The following RSRP1 variants were observed in gnomAD, a reference collection of about 807,000 sequenced individuals.
RSRP1 encodes the protein arginine/serine-rich protein 1.
RSRP1 carries 37 observed loss-of-function variants against 33.0 expected under a neutral mutation model. That is an observed-to-expected ratio of 1.12 (90% CI 0.86 to 1.48). RSRP1 has a LOEUF of 1.48. RSRP1 is among the 40% of genes most tolerant of loss of function. The pLI is 0.00. For synonymous variants in RSRP1, 167 were observed against 158.7 expected, an observed-to-expected ratio of 1.05 and a Z score of -0.40; for missense variants, 402 against 385.3, an observed-to-expected ratio of 1.04 and a Z score of -0.36.
upstream of RSRP1, among the ~76,000 whole-genome samples, chr1:25,249,804 T>A (rs1056659725): frequency 1.1e-4 from 16 of 152,240 alleles, no homozygotes; most frequent in Non-Finnish European, 2.9e-5. Context: ...TCTCTGAGCA[T>A]CTATCCACTC....
chr1:25,333,450 G>A (rs1446967769), intron 1 of RSRP1, among the ~76,000 whole-genome samples: 2 of 129,636 alleles, frequency 1.5e-5, no homozygotes, highest in African/African-American at 5.5e-5. Context: ...AGCCATGTGG[G>A]TATGGGGAAT....
intron 1 of RSRP1, among the ~76,000 whole-genome samples, chr1:25,311,463 T>C (rs1166862469): frequency 7.7e-6 from 1 of 129,724 alleles, no homozygotes; most frequent in Admixed American, 7.5e-5. Context: ...AGGCAGAGCT[T>C]GCAGTGAGCC....
chr1:25,285,591 G>T (rs1374307131), intron 1 of RSRP1, among the ~76,000 whole-genome samples: 4 of 135,170 alleles, frequency 3.0e-5, no homozygotes, highest in Admixed American at 1.4e-4. Context: ...GGTGCCAGAA[G>T]TCAGAATAGT....
At chr1:25,245,893 T>A (rs1639338789) in intron 2 of RSRP1, 1 of 155,550 alleles carries the variant, frequency 6.4e-6, no homozygotes, top group Non-Finnish European at 1.4e-5. Context: ...TACTAAAGTG[T>A]ATTTCTACCA....
At chr1:25,256,085 A>G (rs1186715405) in intron 1 of RSRP1, among the ~76,000 whole-genome samples, 2 of 152,110 alleles carry the variant, frequency 1.3e-5, no homozygotes, top group African/African-American at 4.8e-5. Context: ...TCCCATGTTC[A>G]GCAACTGTTT....
chr1:25,252,301 A>G (rs1639811409), upstream of RSRP1, among the ~76,000 whole-genome samples: 2 of 152,018 alleles, frequency 1.3e-5, no homozygotes, highest in Admixed American at 6.6e-5. Flanking sequence ...CAGCACTCAC[A>G]CATAAGTGCA....
intron 1 of RSRP1, among the ~76,000 whole-genome samples, chr1:25,256,454 T>C (rs1019411591): frequency 3.3e-5 from 5 of 152,012 alleles, no homozygotes; most frequent in African/African-American, 4.8e-5. Context: ...CTGGGTCCCA[T>C]TGAGATTTTG....
chr1:25,303,401 C>T lies in RSRP1; in HGVS notation c.-67+34577G>A, dbSNP rs779150774. On this transcript the variant is annotated intron_variant, in intron 1 of 1. Coordinates refer to the RSRP1 transcript ENST00000561867. The stretch of plus-strand genomic sequence containing the variant: ...CACCTGATCCCTTCTCCGTGGCTTG[C>T]CATGGTGCTGGGTCTTGTGGCTGGG... 4 of 1,378,784 alleles carry T rather than the reference C, an allele frequency of 2.9e-6. 1 individual carries two copies. Among genetic ancestry groups the T allele is most frequent in the Non-Finnish European group, 4.1e-6 (4 of 978,816 alleles). 85.4% of individuals were successfully genotyped at this position (1,378,784 alleles called of 1,614,324 possible).
intron 1 of RSRP1, chr1:25,328,778 A>T: frequency 2.1e-6 from 1 of 483,984 alleles, no homozygotes; most frequent in East Asian, 2.9e-5. Flanking sequence ...CTTCCAATTC[A>T]GATTTTATGA....
intron 1 of RSRP1, chr1:25,290,791 C>A (rs371990272): frequency 7.3e-7 from 1 of 1,376,328 alleles, no homozygotes; most frequent in East Asian, 2.2e-5. Flanking sequence ...ATATCTTCAA[C>A]GTGAGTCATG....
rs1312991357 is a variant in RSRP1 at position 25,292,093 on chromosome 1, T to A, written c.-66-45064A>T. On this transcript the variant is annotated intron_variant, in intron 1 of 1. Transcript: ENST00000561867. The stretch of plus-strand genomic sequence containing the variant: ...CTCTTAGAGCTTTAGTTTCTTCATC[T>A]GTAATATGAGGGTAGCAGTACTACC... Among the ~76,000 whole-genome samples, 4 of 132,590 alleles carry A rather than the reference T, an allele frequency of 3.0e-5. 2 individuals carry two copies. The highest frequency in any genetic ancestry group is 7.2e-5 in the Non-Finnish European group (4 of 55,892). 87.0% of individuals were successfully genotyped at this position (132,590 alleles called of 152,430 possible).
At chr1:25,331,255 C>T (rs140294409) in intron 1 of RSRP1, among the ~76,000 whole-genome samples, 1,975 of 131,028 alleles carry the variant, frequency 0.015, 290 homozygotes, top group African/African-American at 0.048. Flanking sequence ...CGTGAGCCAC[C>T]GCACCCGGCC....
At chr1:25,265,519 A>C (rs1479205935) in intron 1 of RSRP1, among the ~76,000 whole-genome samples, 1 of 102,672 alleles carries the variant, frequency 9.7e-6, no homozygotes, top group African/African-American at 3.4e-5. Flanking sequence ...CTAGACTAGA[A>C]TGCAGTGGCA....
intron 1 of RSRP1, chr1:25,300,866 G>C: frequency 7.5e-7 from 1 of 1,326,244 alleles, no homozygotes; most frequent in South Asian, 1.2e-5. Flanking sequence ...GTGAAGCTCT[G>C]AACTTTCTCC....
chr1:25,283,738 T>C (rs1641703958), intron 1 of RSRP1, among the ~76,000 whole-genome samples: 1 of 133,646 alleles, frequency 7.5e-6, no homozygotes, highest in South Asian at 2.2e-4. Context: ...GTTATAAAGC[T>C]CAGAGATGTT....
chr1:25,294,884 T>G (rs1571642046), intron 1 of RSRP1, among the ~76,000 whole-genome samples: 1 of 110,208 alleles, frequency 9.1e-6, no homozygotes, highest in African/African-American at 3.4e-5. Flanking sequence ...TCTGTGGGAG[T>G]GGAAGAGAGT....
intron 1 of RSRP1, 73 bp from the exon 2 acceptor site, chr1:25,247,102 G>C: frequency 1.1e-6 from 1 of 922,410 alleles, no homozygotes; most frequent in Non-Finnish European, 1.5e-6. Context: ...GCCACAGTCG[G>C]GGAACCTCCG....
upstream of RSRP1, among the ~76,000 whole-genome samples, chr1:25,248,830 T>G (rs1639672396): frequency 6.6e-6 from 1 of 152,126 alleles, no homozygotes. Context: ...CCGAAAGTTC[T>G]CATAAAGCTG....
At chr1:25,290,640 G>A in intron 1 of RSRP1, 1 of 1,377,390 alleles carries the variant, frequency 7.3e-7, no homozygotes, top group Non-Finnish European at 1.0e-6. Context: ...CTCTCCCCCA[G>A]TATTCGGCTG....
Sources: gnomAD v4.1 joint callset for allele counts (sites outside exome capture counted in the v4.1 genomes callset) on GRCh38, gnomAD v4.1.1 for gene constraint, MANE v1.5 for transcripts, NCBI Gene and HGNC (gene_info 2026-07-23, HGNC 2026-07-21) for gene names.